Variants in SAMD12 observed in about 807,000 individuals in gnomAD.
SAMD12 encodes the protein sterile alpha motif domain-containing protein 12.
Under a neutral mutation model 15.0 loss-of-function variants are expected in SAMD12, and 9 were observed. That is an observed-to-expected ratio of 0.60 (90% CI 0.36 to 1.05). The LOEUF (loss-of-function observed/expected upper bound fraction) is 1.05. Ranked by LOEUF, SAMD12 falls within the 50% of genes least tolerant of loss-of-function variation. The probability of loss-of-function intolerance (pLI) is 0.01; values close to 1 mark genes in which losing one functional copy is unlikely to be tolerated. For synonymous variants in SAMD12, 86 were observed against 90.1 expected, an observed-to-expected ratio of 0.96 and a Z score of 0.25; for missense variants, 230 against 234.2, an observed-to-expected ratio of 0.98 and a Z score of 0.12.
the SAMD12 span, among the ~76,000 whole-genome samples, chr8:118,165,402 G>A: frequency 1.3e-5 from 2 of 151,784 alleles, no homozygotes; most frequent in Non-Finnish European, 2.9e-5. Context: ...CCTTCCACAT[G>A]TTCAGCAAAC....
chr8:118,173,975 C>T, the SAMD12 span, among the ~76,000 whole-genome samples: 7 of 151,964 alleles, frequency 4.6e-5, no homozygotes, highest in Non-Finnish European at 1.0e-4. Flanking sequence ...AAAAATACTG[C>T]CTGTTAGTAA....
chr8:118,255,022 G>A (rs1019614694), intron 4 of SAMD12, among the ~76,000 whole-genome samples: 6 of 151,890 alleles, frequency 4.0e-5, no homozygotes, highest in African/African-American at 1.5e-4. Flanking sequence ...TTAAGTCGAT[G>A]CCTTGGAATC....
At chr8:118,616,877 C>T (rs1442054908) in intron 1 of SAMD12, among the ~76,000 whole-genome samples, 1 of 152,202 alleles carries the variant, frequency 6.6e-6, no homozygotes, top group African/African-American at 2.4e-5. Flanking sequence ...GGAGTGCAAA[C>T]CCTACTGTGA....
intron 4 of SAMD12, among the ~76,000 whole-genome samples, chr8:118,273,296 G>A (rs1316810171): frequency 2.1e-4 from 32 of 152,112 alleles, no homozygotes; most frequent in Admixed American, 1.6e-3. Flanking sequence ...TCACTATTAC[G>A]AGAACAGCAT....
At chr8:118,557,179 T>C (rs1479529743) in intron 2 of SAMD12, among the ~76,000 whole-genome samples, 1 of 152,006 alleles carries the variant, frequency 6.6e-6, no homozygotes, top group Non-Finnish European at 1.5e-5. Flanking sequence ...TGGGGGCTTT[T>C]CCCCCCATGC....
At chr8:118,369,233 G>C (rs557222173) in intron 4 of SAMD12, among the ~76,000 whole-genome samples, 1 of 152,244 alleles carries the variant, frequency 6.6e-6, no homozygotes, top group East Asian at 1.9e-4. Context: ...GAACAGAATA[G>C]AAAACTCAGA....
chr8:118,581,776 T>C (rs1268046474), intron 1 of SAMD12, among the ~76,000 whole-genome samples: 2 of 152,140 alleles, frequency 1.3e-5, no homozygotes, highest in Non-Finnish European at 2.9e-5. Context: ...AGATGGCAGG[T>C]ATGTGTGTTT....
rs1427721496 is a variant in SAMD12, at chr8:118,286,171, G to A, written c.434-88439C>T. Among the ~76,000 whole-genome samples the A allele has an allele frequency of 8.1e-5, 11 of 135,158 alleles. No homozygotes were observed. The East Asian group carries it at 2.1e-3, about 25-fold the overall frequency. 88.7% of individuals were successfully genotyped at this position (135,158 alleles called of 152,430 possible). On this transcript the variant is annotated intron_variant, in intron 4 of 4. Transcript: ENST00000409003. ...ATCACACACCGGGGCCTGTTGTGGG[G>A]TGAGGGGAGGGGGGAGGGATAGCAT...
Position 118,379,024 on chromosome 8 carries a change from C to A in SAMD12, c.*393G>T. ...ATCTCTAAAGTGTGTGTGTATAATA[C>A]ATTCATGTATAGTAATACATATCTA... On this transcript the variant is annotated 3_prime_UTR_variant, in exon 4 of 4. Transcript: ENST00000314727. 1 of 1,003,498 alleles carries A rather than the reference C, an allele frequency of 1.0e-6. No individual in the cohort carries two copies. The highest frequency in any genetic ancestry group is 1.2e-6 in the Non-Finnish European group (1 of 837,286). 62.2% of individuals were successfully genotyped at this position (1,003,498 alleles called of 1,614,324 possible). A position where few individuals can be genotyped will look rare whatever the true frequency, so the allele number is the denominator to read the frequency against.
chr8:118,238,392 G>A (rs1266618092), intron 4 of SAMD12, among the ~76,000 whole-genome samples: 1 of 152,132 alleles, frequency 6.6e-6, no homozygotes, highest in Non-Finnish European at 1.5e-5. Flanking sequence ...TTTAGTGGCA[G>A]TAAGTGCATT....
intron 2 of SAMD12, among the ~76,000 whole-genome samples, chr8:118,563,622 A>G (rs1826769359): frequency 6.6e-6 from 1 of 152,238 alleles, no homozygotes; most frequent in Non-Finnish European, 1.5e-5. Context: ...AGTACTGAAT[A>G]AAGTCCCAAG....
chr8:118,252,424 C>T (rs1285515053), intron 4 of SAMD12, among the ~76,000 whole-genome samples: 1 of 152,126 alleles, frequency 6.6e-6, no homozygotes, highest in East Asian at 1.9e-4. Flanking sequence ...GTCCGAGGTC[C>T]CACAGCTTGT....
chr8:118,416,814 T>C (rs1821717801), intron 3 of SAMD12, among the ~76,000 whole-genome samples: 1 of 152,246 alleles, frequency 6.6e-6, no homozygotes, highest in Admixed American at 6.5e-5. Context: ...TAATTTGCCA[T>C]ATGTTATTTG....
intron 4 of SAMD12, among the ~76,000 whole-genome samples, chr8:118,270,920 C>T (rs577700232): frequency 5.1e-4 from 78 of 152,044 alleles, no homozygotes; most frequent in Non-Finnish European, 1.0e-3. Context: ...ATGAGAAGTC[C>T]AAGGGGTTAC....
chr8:118,381,455 C>G (rs1285273758), intron 3 of SAMD12, among the ~76,000 whole-genome samples: 2 of 152,148 alleles, frequency 1.3e-5, no homozygotes. Context: ...AATTTCTTAC[C>G]TTACATGACA....
chr8:118,493,893 A>C (rs560691558), intron 2 of SAMD12, among the ~76,000 whole-genome samples: 2 of 152,266 alleles, frequency 1.3e-5, no homozygotes, highest in South Asian at 4.2e-4. Flanking sequence ...ATGCCTCACT[A>C]TCCTATGCCT....
intron 4 of SAMD12, among the ~76,000 whole-genome samples, chr8:118,214,805 T>G (rs1811915586): frequency 6.6e-6 from 1 of 152,236 alleles, no homozygotes; most frequent in Non-Finnish European, 1.5e-5. Flanking sequence ...ACAAAGCTCT[T>G]GTTTCCTACA....
At chr8:118,260,653 A>G (rs1347733457) in intron 4 of SAMD12, among the ~76,000 whole-genome samples, 2 of 152,098 alleles carry the variant, frequency 1.3e-5, no homozygotes, top group Non-Finnish European at 2.9e-5. Context: ...GCTGATGGGC[A>G]GTACCAGCAG....
At chr8:118,183,347 A>G in the SAMD12 span, among the ~76,000 whole-genome samples, 1 of 152,182 alleles carries the variant, frequency 6.6e-6, no homozygotes, top group East Asian at 1.9e-4. Flanking sequence ...GGGTTCAGAA[A>G]TTTCTTGAAT....
Sources: allele counts gnomAD v4.1 joint callset (sites outside exome capture counted in the v4.1 genomes callset), GRCh38; gene constraint gnomAD v4.1.1; transcripts MANE v1.5; gene names NCBI Gene and HGNC (gene_info 2026-07-23, HGNC 2026-07-21).